Variants in CD44 observed in about 807,000 individuals in gnomAD.
The protein encoded by CD44 is CD44 antigen.
Under a neutral mutation model 88.8 loss-of-function variants are expected in CD44, and 49 were observed. The observed-to-expected ratio is 0.55, with a 90% CI of 0.44 to 0.70. The LOEUF is 0.70. Ranked by LOEUF, CD44 falls within the 30% of genes least tolerant of loss-of-function variation. CD44 has a pLI of 0.00. For missense variants in CD44, 883 were observed against 913.8 expected, an observed-to-expected ratio of 0.97 and a Z score of 0.43; for synonymous variants, 325 against 312.3, an observed-to-expected ratio of 1.04 and a Z score of -0.43.
intron 5 of CD44, among the ~76,000 whole-genome samples, chr11:35,190,787 A>G (rs900268455): frequency 2.6e-5 from 4 of 152,248 alleles, no homozygotes; most frequent in Admixed American, 2.0e-4. Flanking sequence ...AAATTAAATC[A>G]GCTTAAGAGC....
intron 3 of CD44, among the ~76,000 whole-genome samples, chr11:35,182,637 A>G (rs76413585): frequency 1.2e-3 from 179 of 152,328 alleles, no homozygotes; most frequent in African/African-American, 4.1e-3. Flanking sequence ...ATAGACATAG[A>G]GCAACATGTG....
chr11:35,226,290 A>G (rs529026774), intron 17 of CD44, among the ~76,000 whole-genome samples: 11 of 152,326 alleles, frequency 7.2e-5, no homozygotes, highest in Admixed American at 4.6e-4. Flanking sequence ...ATGCACAGAC[A>G]TATTTTTTAT....
intron 1 of CD44, among the ~76,000 whole-genome samples, chr11:35,141,701 T>C (rs565907262): frequency 1.4e-3 from 211 of 152,316 alleles, no homozygotes; most frequent in African/African-American, 4.9e-3. Flanking sequence ...ACGGCCCCTT[T>C]GCGCAGCATC....
intron 17 of CD44, among the ~76,000 whole-genome samples, chr11:35,223,747 T>C (rs1429909628): frequency 2.0e-5 from 3 of 152,342 alleles, no homozygotes; most frequent in South Asian, 2.1e-4. Context: ...GGTGAACAGC[T>C]GTACGGGCCC....
chr11:35,190,176 G>A, intron 5 of CD44, 111 bp downstream of exon 5: 1 of 926,646 alleles, frequency 1.1e-6, no homozygotes, highest in Non-Finnish European at 1.7e-6. Flanking sequence ...CTAGACAGCT[G>A]GAAGCTGGTG....
intron 10 of CD44, 130 bp from the exon 11 acceptor site, chr11:35,205,982 C>A (rs151242677): frequency 1.5e-6 from 2 of 1,329,028 alleles, no homozygotes; most frequent in Admixed American, 3.9e-5. Context: ...AACTTCCTTG[C>A]CCTCTATACA....
chr11:35,213,387 C>T (rs986530769), intron 14 of CD44, among the ~76,000 whole-genome samples: 9 of 152,178 alleles, frequency 5.9e-5, no homozygotes, highest in African/African-American at 9.6e-5. Context: ...TCAGTCTTTA[C>T]GCTTAATGTT....
intron 1 of CD44, among the ~76,000 whole-genome samples, chr11:35,147,445 C>A (rs1859381815): frequency 6.6e-6 from 1 of 152,114 alleles, no homozygotes; most frequent in Non-Finnish European, 1.5e-5. Context: ...ATGTGACCAT[C>A]CCATCAGGGA....
At chr11:35,159,811 G>T (rs983468196) in intron 1 of CD44, among the ~76,000 whole-genome samples, 2 of 152,194 alleles carry the variant, frequency 1.3e-5, no homozygotes, top group African/African-American at 4.8e-5. Flanking sequence ...TCAATTCAGA[G>T]CTCCTTCTCC....
chr11:35,225,464 G>T (rs770976380), intron 17 of CD44, among the ~76,000 whole-genome samples: 1 of 152,178 alleles, frequency 6.6e-6, no homozygotes, highest in Admixed American at 6.5e-5. Context: ...AGATTTAAGG[G>T]AAGAGGAGAT....
chr11:35,198,115 CA>C lies in CD44; in HGVS notation c.797-4del. The C allele has an allele frequency of 2.5e-6, 4 of 1,613,286 alleles. No individual in the cohort carries two copies. Among genetic ancestry groups the C allele is most frequent in the Non-Finnish European group, 3.4e-6 (4 of 1,179,442 alleles). On this transcript the variant is annotated splice_region_variant and splice_polypyrimidine_tract_variant and intron_variant, in intron 6 of 17. Transcript: ENST00000428726. ...GCTCAGCCACTAATGCAAGTCACCA[CA>C]ACAGGTACGTCTTCAAATACCATCT... is the stretch of plus-strand genomic sequence containing the variant.
intron 7 of CD44, among the ~76,000 whole-genome samples, chr11:35,199,254 C>A (rs1947063629): frequency 6.6e-6 from 1 of 152,138 alleles, no homozygotes; most frequent in African/African-American, 2.4e-5. Context: ...AATTATAAAA[C>A]TTTTTGAGAA....
At chr11:35,171,677 G>A (rs1344705508) in intron 1 of CD44, among the ~76,000 whole-genome samples, 1 of 152,112 alleles carries the variant, frequency 6.6e-6, no homozygotes, top group Non-Finnish European at 1.5e-5. Context: ...CTCAACATAA[G>A]CACCATCACA....
chr11:35,208,130 G>C lies in CD44; in HGVS notation c.1440G>C (p.Thr480=). The C allele has an allele frequency of 6.2e-7, 1 of 1,610,662 alleles. No individual in the cohort carries two copies. The highest frequency in any genetic ancestry group is 8.5e-7 in the Non-Finnish European group (1 of 1,176,912). Residue 480 remains threonine, a synonymous_variant, in exon 12 of 18, where the codon ACG becomes ACC. Transcript: ENST00000428726. ...ATATGGACTCCAGTCATAGTATAAC[G>C]CTTCAGCCTACTGCAAATCCAAACA... The part of the protein sequence containing the change: ...RMDMDSSHSI[T]LQPTANPNTG...
At chr11:35,174,750 T>C (rs1339154168) in intron 1 of CD44, among the ~76,000 whole-genome samples, 1 of 152,216 alleles carries the variant, frequency 6.6e-6, no homozygotes, top group East Asian at 1.9e-4. Context: ...AGGCTTTTGG[T>C]CTGCCAATAT....
chr11:35,214,971 C>A (rs1948703404), intron 15 of CD44, 57 bp downstream of exon 15: 12 of 1,083,656 alleles, frequency 1.1e-5, no homozygotes, highest in Non-Finnish European at 1.6e-5. Context: ...CTAATGATGA[C>A]TACCAACGAA....
In CD44 at chr11:35,210,132, G is replaced by C. The variant is rs1948257595; in HGVS notation, c.1606+78G>C. On this transcript the variant is annotated intron_variant, in intron 13 of 17. Transcript: ENST00000428726. ...TATGGGTACTTTTGCAGTGTCTTTG[G>C]TGGAGGTGCATCCATTAGCTGCCGT... The C allele has an allele frequency of 3.9e-6, 3 of 768,276 alleles. No individual in the cohort carries two copies. The Admixed American group carries it at 8.8e-5, about 22-fold the overall frequency. The allele number at this position is 768,276 out of a possible 1,614,324, so 47.6% of individuals were successfully genotyped here. A position where few individuals can be genotyped will look rare whatever the true frequency, so the allele number is the denominator to read the frequency against.
At chr11:35,163,434 A>T (rs1942889496) in intron 1 of CD44, among the ~76,000 whole-genome samples, 2 of 152,254 alleles carry the variant, frequency 1.3e-5, no homozygotes, top group Middle Eastern at 3.4e-3. Context: ...TAGTGGTGGT[A>T]TGGGGAAAGG....
chr11:35,225,724 G>C (rs896884594), intron 17 of CD44, among the ~76,000 whole-genome samples: 1 of 152,182 alleles, frequency 6.6e-6, no homozygotes, highest in African/African-American at 2.4e-5. Context: ...GGCTGAGGCA[G>C]GAGAATTTCT....
Sources: allele counts gnomAD v4.1 joint callset (sites outside exome capture counted in the v4.1 genomes callset), GRCh38; gene constraint gnomAD v4.1.1; transcripts MANE v1.5; gene names NCBI Gene and HGNC (gene_info 2026-07-23, HGNC 2026-07-21).